MINDY2: variants seen among roughly 807,000 people sequenced by gnomAD.
MINDY2 encodes ubiquitin carboxyl-terminal hydrolase MINDY-2.
A neutral mutation model predicts 68.2 loss-of-function variants in MINDY2; 52 were observed. That is an observed-to-expected ratio of 0.76 (90% confidence interval 0.61 to 0.96). The LOEUF is 0.96. Ranked by LOEUF, MINDY2 falls within the 40% of genes least tolerant of loss-of-function variation. The pLI is 0.00. For synonymous variants in MINDY2, 372 were observed against 303.0 expected, an observed-to-expected ratio of 1.23 and a Z score of -2.36; for missense variants, 881 against 773.4, an observed-to-expected ratio of 1.14 and a Z score of -1.65.
intron 7 of MINDY2, among the ~76,000 whole-genome samples, chr15:58,851,354 T>G (rs2032800804): frequency 6.6e-6 from 1 of 152,240 alleles, no homozygotes; most frequent in Non-Finnish European, 1.5e-5. Context: ...AAGATAACTG[T>G]CATTTTAATG....
At chr15:58,826,437 C>G (rs990230876) in intron 5 of MINDY2, among the ~76,000 whole-genome samples, 7 of 152,040 alleles carry the variant, frequency 4.6e-5, no homozygotes, top group African/African-American at 1.7e-4. Context: ...CTGTGTTGGT[C>G]AAGCTGGTCT....
In MINDY2 at chr15:58,847,146, C is replaced by A. The variant is rs1048073724; in HGVS notation, c.1369-151C>A. On this transcript the variant is annotated intron_variant, in intron 6 of 8. Coordinates refer to ENST00000559228, the MANE Select transcript of MINDY2 (RefSeq NM_001040450.3). ...GAGTGGATTTGAGGAAGTAAAATATCTACTTGGTCTATTTATTGTGTTGTA... is the reference window on the plus strand; with the variant it reads ...GAGTGGATTTGAGGAAGTAAAATATATACTTGGTCTATTTATTGTGTTGTA... The A allele has an allele frequency of 2.9e-5, 15 of 510,314 alleles. No homozygotes were observed. The Admixed American group carries it at 3.3e-4, about 11-fold the overall frequency. 31.6% of individuals were successfully genotyped at this position (510,314 alleles called of 1,614,324 possible). A position where few individuals can be genotyped will look rare whatever the true frequency, so the allele number is the denominator to read the frequency against.
intron 1 of MINDY2, among the ~76,000 whole-genome samples, chr15:58,785,152 A>AAAAAAAG (rs1567040526): frequency 1.6e-5 from 2 of 124,614 alleles, no homozygotes; most frequent in Non-Finnish European, 3.3e-5. Context: ...AAAAAAAAAA[A>AAAAAAAG]AAAAAAGAAA....
intron 5 of MINDY2, among the ~76,000 whole-genome samples, chr15:58,824,480 G>C (rs1383881914): frequency 6.6e-6 from 1 of 151,986 alleles, no homozygotes; most frequent in Non-Finnish European, 1.5e-5. Context: ...AATTATATGT[G>C]TCATTTAGCA....
At chr15:58,837,172 A>T (rs2032033834) in intron 6 of MINDY2, among the ~76,000 whole-genome samples, 1 of 152,208 alleles carries the variant, frequency 6.6e-6, no homozygotes, top group African/African-American at 2.4e-5. Context: ...AAGGCTGTTC[A>T]TCATTAAGAT....
At chr15:58,831,041 G>GTGTGTGTGTATATATGTA in intron 5 of MINDY2, among the ~76,000 whole-genome samples, 2 of 124,922 alleles carry the variant, frequency 1.6e-5, no homozygotes, top group South Asian at 5.0e-4. Context: ...GTGTGTGTGT[G>GTGTGTGTGTATATATGTA]TATATATATA....
intron 3 of MINDY2, among the ~76,000 whole-genome samples, chr15:58,803,037 A>G (rs567037501): frequency 6.6e-6 from 1 of 152,244 alleles, no homozygotes; most frequent in Admixed American, 6.5e-5. Context: ...TGGAACCTTC[A>G]TATTTACTTT....
intron 2 of MINDY2, among the ~76,000 whole-genome samples, chr15:58,790,902 G>T (rs1245822858): frequency 9.2e-5 from 14 of 152,176 alleles, no homozygotes; most frequent in Admixed American, 2.0e-4. Flanking sequence ...CGATCAGGCT[G>T]GGTGTGGTGG....
intron 2 of MINDY2, among the ~76,000 whole-genome samples, chr15:58,794,809 G>A (rs1459020599): frequency 6.6e-6 from 1 of 152,166 alleles, no homozygotes; most frequent in Non-Finnish European, 1.5e-5. Flanking sequence ...TAGGGAATTT[G>A]CTAATGGCAG....
chr15:58,821,897 T>C (rs2031084249), intron 5 of MINDY2, 78 bp downstream of exon 5: 3 of 932,882 alleles, frequency 3.2e-6, no homozygotes, highest in Non-Finnish European at 4.7e-6. Context: ...ATCTTTCAAA[T>C]TTCTTAAATA....
Position 58,810,310 on chromosome 15 carries a change from G to C in MINDY2, c.1044G>C (p.Val348=). The C allele has an allele frequency of 6.2e-7, 1 of 1,613,820 alleles. No homozygotes were observed. Among genetic ancestry groups the C allele is most frequent in the Non-Finnish European group, 8.5e-7 (1 of 1,179,916 alleles). ...DVNVRFTGVR[V]FEYTPECIVF... ...ATGTAAGATTCACTGGTGTTCGAGTGTTTGAATATACACCAGAATGCATAG... is the reference window on the plus strand; with the variant it reads ...ATGTAAGATTCACTGGTGTTCGAGTCTTTGAATATACACCAGAATGCATAG... The change falls in exon 4 of 9, where the codon GTG becomes GTC. Residue 348 remains valine, a synonymous_variant. Coordinates refer to ENST00000559228, the MANE Select transcript of MINDY2 (RefSeq NM_001040450.3).
At chr15:58,793,989 C>G (rs1902105417) in intron 2 of MINDY2, among the ~76,000 whole-genome samples, 1 of 152,096 alleles carries the variant, frequency 6.6e-6, no homozygotes, top group Non-Finnish European at 1.5e-5. Context: ...CTGCACGAGT[C>G]CAGGCCTGAA....
intron 4 of MINDY2, 126 bp downstream of exon 4, chr15:58,810,514 C>A: frequency 2.2e-6 from 2 of 899,064 alleles, no homozygotes; most frequent in Non-Finnish European, 3.2e-6. Flanking sequence ...ATTAGCCAAA[C>A]TATGAGGTTA....
chr15:58,804,813 AAAAAG>A (rs1175319156), intron 3 of MINDY2, among the ~76,000 whole-genome samples: 84 of 152,138 alleles, frequency 5.5e-4, no homozygotes, highest in Middle Eastern at 3.4e-3. Context: ...TACAAAAAAA[AAAAAG>A]AAAAGAAAAG....
At chr15:58,816,229 G>A (rs1171092641) in intron 4 of MINDY2, among the ~76,000 whole-genome samples, 2 of 152,110 alleles carry the variant, frequency 1.3e-5, no homozygotes, top group Non-Finnish European at 2.9e-5. Flanking sequence ...AGAATGGAAG[G>A]ATGGCTTACT....
intron 5 of MINDY2, among the ~76,000 whole-genome samples, chr15:58,829,390 C>A (rs1366426255): frequency 6.6e-6 from 1 of 152,160 alleles, no homozygotes; most frequent in African/African-American, 2.4e-5. Context: ...AATAATTCTC[C>A]TAGGTTACTG....
intron 5 of MINDY2, among the ~76,000 whole-genome samples, chr15:58,826,448 C>G (rs546603322): frequency 6.6e-6 from 1 of 151,970 alleles, no homozygotes; most frequent in African/African-American, 2.4e-5. Flanking sequence ...AAGCTGGTCT[C>G]GAACTCCCAA....
At chr15:58,789,985 C>A (rs576141864) in intron 2 of MINDY2, among the ~76,000 whole-genome samples, 1 of 151,736 alleles carries the variant, frequency 6.6e-6, no homozygotes, top group Non-Finnish European at 1.5e-5. Context: ...CACTGTGTTT[C>A]CCAGGCTTGT....
chr15:58,827,118 G>A lies in MINDY2; in HGVS notation c.1226-4656G>A, dbSNP rs528353491. ...TGTGTCTTTCCCAGTGCATCAAATC[G>A]GGGGCACATGAGCCTGATTATCTCA... On this transcript the variant is annotated intron_variant, in intron 5 of 8. Transcript: ENST00000559228. Among the ~76,000 whole-genome samples the A allele has an allele frequency of 5.9e-5, 9 of 152,246 alleles. No homozygotes were observed. In the South Asian group the frequency reaches 1.0e-3, roughly 18 times the overall value.
Sources: allele counts gnomAD v4.1 joint callset (sites outside exome capture counted in the v4.1 genomes callset), GRCh38; gene constraint gnomAD v4.1.1; transcripts MANE v1.5; gene names NCBI Gene and HGNC (gene_info 2026-07-23, HGNC 2026-07-21).